Variants in BNIP3L observed in about 807,000 individuals in gnomAD.
The protein encoded by BNIP3L is BCL2/adenovirus E1B 19 kDa protein-interacting protein 3-like.
BNIP3L carries 10 observed loss-of-function variants against 25.5 expected under a neutral mutation model. That is an observed-to-expected ratio of 0.39 (90% CI 0.24 to 0.67). The LOEUF (loss-of-function observed/expected upper bound fraction) is 0.67. Among genes scored for constraint, BNIP3L ranks in the 30% least tolerant of loss-of-function variants. The pLI, the probability that BNIP3L is intolerant of heterozygous loss-of-function variation, is 0.45. For synonymous variants in BNIP3L, 113 were observed against 101.2 expected, an observed-to-expected ratio of 1.12 and a Z score of -0.70; for missense variants, 215 against 270.9, an observed-to-expected ratio of 0.79 and a Z score of 1.45.
chr8:26,383,092 C>G lies in BNIP3L; in HGVS notation c.-39C>G. ...TGTGTTGCTGCCTGAGTGCCGGAGA[C>G]GGTCCTGCTGCTGCCGCAGTCCTGC... On this transcript the variant is annotated 5_prime_UTR_variant, in exon 1 of 6. Transcript: ENST00000380629. 6.5e-7 allele frequency: 1 copy of G among 1,533,088 alleles called. No individual in the cohort carries two copies. The highest frequency in any genetic ancestry group is 1.4e-5 in the African/African-American group (1 of 73,320). The allele number at this position is 1,533,088 out of a possible 1,614,324, so 95.0% of individuals were successfully genotyped here.
chr8:26,385,262 G>A (rs1312068062), intron 1 of BNIP3L, among the ~76,000 whole-genome samples: 4 of 152,012 alleles, frequency 2.6e-5, no homozygotes, highest in African/African-American at 9.7e-5. Flanking sequence ...AAAGCAAAGG[G>A]ATTTTCATCT....
chr8:26,395,512 G>C lies in BNIP3L; in HGVS notation c.357+210G>C, dbSNP rs1479321993. 1.5e-5 allele frequency: 8 copies of C among 529,090 alleles called. No homozygotes were observed. The Admixed American group carries it at 1.8e-4, about 12-fold the overall frequency. The allele number at this position is 529,090 out of a possible 1,614,324, so 32.8% of individuals were successfully genotyped here. ...GGGCCCTGTCACTCTAAACGAATTG[G>C]AAAATTCTTGTCCATAATAAATCAT... is the stretch of plus-strand genomic sequence containing the variant. On this transcript the variant is annotated intron_variant, in intron 3 of 5. Coordinates refer to ENST00000380629, the MANE Select transcript of BNIP3L (RefSeq NM_004331.3).
chr8:26,396,836 A>G (rs1806258393), intron 3 of BNIP3L, among the ~76,000 whole-genome samples: 1 of 122,186 alleles, frequency 8.2e-6, no homozygotes, highest in African/African-American at 3.1e-5. Context: ...CAGAAGCCTC[A>G]GGAGCCGATG....
rs571231283 is a variant in BNIP3L at position 26,411,933 on chromosome 8, T to G, written c.*1521T>G. On this transcript the variant is annotated 3_prime_UTR_variant, in exon 6 of 6. Transcript: ENST00000380629. ...GAATAAAAACACTATGACAGACAGGTTTGCCAGTTTGCAGAAACTAACTCT... is the reference window on the plus strand; with the variant it reads ...GAATAAAAACACTATGACAGACAGGGTTGCCAGTTTGCAGAAACTAACTCT... 2.0e-5 allele frequency: 3 copies of G among 152,676 alleles called. No homozygotes were observed. The highest frequency in any genetic ancestry group is 7.2e-5 in the African/African-American group (3 of 41,548). The allele number at this position is 152,676 out of a possible 1,614,324, so 9.5% of individuals were successfully genotyped here.
At chr8:26,393,906 A>G (rs3808578) in intron 2 of BNIP3L, among the ~76,000 whole-genome samples, 22,743 of 152,124 alleles carry the variant, frequency 0.15, 1,986 homozygotes, top group East Asian at 0.41. Flanking sequence ...ATACTAGTCT[A>G]AAAGACTCCT....
intron 1 of BNIP3L, among the ~76,000 whole-genome samples, chr8:26,387,885 A>G (rs1341048186): frequency 6.6e-6 from 1 of 152,242 alleles, no homozygotes; most frequent in African/African-American, 2.4e-5. Context: ...AACCATTGCC[A>G]TTTAGATAAT....
chr8:26,388,964 G>C (rs571211969), intron 1 of BNIP3L, among the ~76,000 whole-genome samples: 5 of 152,306 alleles, frequency 3.3e-5, no homozygotes, highest in Admixed American at 3.3e-4. Context: ...ACTACAGCCT[G>C]GGTGACAATG....
intron 3 of BNIP3L, among the ~76,000 whole-genome samples, chr8:26,402,295 T>C (rs1029532826): frequency 1.3e-5 from 2 of 152,162 alleles, no homozygotes; most frequent in Non-Finnish European, 2.9e-5. Context: ...GACTGGAGCA[T>C]TTGAATTGCT....
chr8:26,392,122 A>G (rs896489643), intron 2 of BNIP3L, among the ~76,000 whole-genome samples: 1 of 150,834 alleles, frequency 6.6e-6, no homozygotes, highest in Non-Finnish European at 1.5e-5. Context: ...ACAACGAGAT[A>G]TGTGTGTGGA....
chr8:26,392,317 A>G (rs1281702150), intron 2 of BNIP3L, among the ~76,000 whole-genome samples: 2 of 152,192 alleles, frequency 1.3e-5, no homozygotes, highest in Non-Finnish European at 2.9e-5. Context: ...TAGAAAATGC[A>G]AATGCACGGG....
At chr8:26,390,338 A>C in intron 1 of BNIP3L, 1 of 983,578 alleles carries the variant, frequency 1.0e-6, no homozygotes, top group South Asian at 4.7e-5. Context: ...ATGCAGAATT[A>C]CCAGTGGCAC....
At position 26,404,389 on chromosome 8, in the gene BNIP3L, T is replaced by G. The variant is rs543678633; in HGVS notation, c.358-3611T>G. 4.6e-5 allele frequency among the ~76,000 whole-genome samples: 7 copies of G among 152,364 alleles called. No individual in the cohort carries two copies. The South Asian group carries it at 1.4e-3, about 32-fold the overall frequency. On this transcript the variant is annotated intron_variant, in intron 3 of 5. Coordinates refer to ENST00000380629, the MANE Select transcript of BNIP3L (RefSeq NM_004331.3). ...GTGATTTTTATCTGTACATGAATCA[T>G]GGTATACAGCTTAATATCCATATTT...
chr8:26,391,844 G>T (rs1563338621), intron 2 of BNIP3L, among the ~76,000 whole-genome samples: 1 of 152,170 alleles, frequency 6.6e-6, no homozygotes, highest in Non-Finnish European at 1.5e-5. Context: ...AAGGGCAGGG[G>T]CCATGTTTAA....
At chr8:26,391,199 G>A in intron 1 of BNIP3L, 44 bp from the exon 2 acceptor site, 1 of 1,514,330 alleles carries the variant, frequency 6.6e-7, no homozygotes. Flanking sequence ...GCACATGACA[G>A]ATTTCAGTTC....
chr8:26,407,154 C>T (rs1433723338), intron 3 of BNIP3L, among the ~76,000 whole-genome samples: 3 of 151,100 alleles, frequency 2.0e-5, no homozygotes, highest in South Asian at 2.1e-4. Context: ...TACAGGTGCC[C>T]GCCACCATGC....
In BNIP3L at chr8:26,408,303, A is replaced by T. The variant is rs759141869; in HGVS notation, c.538A>T (p.Ile180Phe). The change falls in exon 5 of 6, where the codon ATT becomes TTT. Residue 180 changes from isoleucine to phenylalanine, a missense_variant. Around this residue, in one of 4 missense-constraint regions of BNIP3L, gnomAD observed 63 missense variants for 98.8 expected, o/e 0.64. Coordinates refer to ENST00000380629, the MANE Select transcript of BNIP3L (RefSeq NM_004331.3). ...AAGTGGAGCCATGAAGAAAGGGGGT[A>T]TTTTCTCCGCAGAATTTCTGAAGGT... The part of the protein sequence containing the change: ...RKSGAMKKGG[I>F]FSAEFLKVFI... 77 of 1,613,814 alleles carry T rather than the reference A, an allele frequency of 4.8e-5. No homozygotes were observed. The highest frequency in any genetic ancestry group is 6.5e-5 in the Non-Finnish European group (77 of 1,179,948).
At chr8:26,389,694 AC>A (rs1182768250) in intron 1 of BNIP3L, among the ~76,000 whole-genome samples, 3 of 152,110 alleles carry the variant, frequency 2.0e-5, no homozygotes, top group Non-Finnish European at 4.4e-5. Flanking sequence ...TCGTCACAGC[AC>A]CCCGGTGTTA....
rs1159505258 is a variant in BNIP3L, at chr8:26,412,804, A to G, written c.*2392A>G. 2.0e-5 allele frequency: 3 copies of G among 152,592 alleles called. No individual in the cohort carries two copies. Among genetic ancestry groups the G allele is most frequent in the African/African-American group, 4.8e-5 (2 of 41,454 alleles). The allele number at this position is 152,592 out of a possible 1,614,324, so 9.5% of individuals were successfully genotyped here. ...CAAAAAGGCAGGCTTCATTTTTCAT[A>G]TGTTTGATGAAAACTGGCTCAAGAT... On this transcript the variant is annotated 3_prime_UTR_variant, in exon 6 of 6. Coordinates refer to ENST00000380629, the MANE Select transcript of BNIP3L (RefSeq NM_004331.3).
At chr8:26,384,145 C>A (rs1385875609) in intron 1 of BNIP3L, among the ~76,000 whole-genome samples, 1 of 152,128 alleles carries the variant, frequency 6.6e-6, no homozygotes, top group Non-Finnish European at 1.5e-5. Context: ...GAACCGGGAG[C>A]CTTCTTGGAA....
Sources: allele counts gnomAD v4.1 joint callset (sites outside exome capture counted in the v4.1 genomes callset), GRCh38; gene constraint gnomAD v4.1.1; regional missense constraint gnomAD v4.1.1; transcripts MANE v1.5; gene names NCBI Gene and HGNC (gene_info 2026-07-23, HGNC 2026-07-21).